Variants in SLC39A8 observed in about 807,000 individuals in gnomAD.
SLC39A8 encodes the protein solute carrier family 39 member 8.
Under a neutral mutation model 40.4 loss-of-function variants are expected in SLC39A8, and 15 were observed. That is an observed-to-expected ratio of 0.37 (90% CI 0.25 to 0.57). The LOEUF is 0.57. Among genes scored for constraint, SLC39A8 ranks in the 20% least tolerant of loss-of-function variants. SLC39A8 has a pLI of 0.75. For missense variants in SLC39A8, 472 were observed against 558.8 expected, an observed-to-expected ratio of 0.84 and a Z score of 1.57; for synonymous variants, 223 against 221.6, an observed-to-expected ratio of 1.01 and a Z score of -0.06.
At chr4:102,266,397 G>A (rs1732097129) in intron 8 of SLC39A8, among the ~76,000 whole-genome samples, 2 of 152,138 alleles carry the variant, frequency 1.3e-5, no homozygotes, top group African/African-American at 4.8e-5. Context: ...AGGGTCTGCA[G>A]AGAACAACGA....
intron 2 of SLC39A8, among the ~76,000 whole-genome samples, chr4:102,325,087 A>ATATATATG (rs1486249363): frequency 5.4e-5 from 8 of 148,654 alleles, no homozygotes; most frequent in African/African-American, 2.0e-4. Context: ...ATATATACAT[A>ATATATATG]TATATATGTA....
At chr4:102,296,704 A>G (rs1486009566) in intron 6 of SLC39A8, among the ~76,000 whole-genome samples, 3 of 152,114 alleles carry the variant, frequency 2.0e-5, no homozygotes, top group Non-Finnish European at 2.9e-5. Flanking sequence ...CTTCTCTTCC[A>G]CATCCAACTG....
At chr4:102,322,417 G>A (rs1735003722) in intron 2 of SLC39A8, among the ~76,000 whole-genome samples, 1 of 152,098 alleles carries the variant, frequency 6.6e-6, no homozygotes, top group Admixed American at 6.6e-5. Flanking sequence ...AGTACTGATG[G>A]ATACATAAAG....
intron 6 of SLC39A8, among the ~76,000 whole-genome samples, 167 bp from the exon 7 acceptor site, chr4:102,268,246 G>A (rs1732195195): frequency 6.6e-6 from 1 of 152,158 alleles, no homozygotes; most frequent in African/African-American, 2.4e-5. Context: ...GAAAACTTAT[G>A]GTTGAGAGAA....
At chr4:102,318,579 GC>G (rs1376605754) in intron 2 of SLC39A8, among the ~76,000 whole-genome samples, 1 of 152,110 alleles carries the variant, frequency 6.6e-6, no homozygotes, top group Non-Finnish European at 1.5e-5. Context: ...AAAGGGTGGT[GC>G]CTCCCAGAGT....
chr4:102,334,415 A>G (rs1356241914), intron 2 of SLC39A8, among the ~76,000 whole-genome samples: 1 of 152,212 alleles, frequency 6.6e-6, no homozygotes, highest in Non-Finnish European at 1.5e-5. Context: ...CGAGTATCAA[A>G]TGTTAATTGT....
intron 2 of SLC39A8, among the ~76,000 whole-genome samples, chr4:102,318,480 G>C (rs905755265): frequency 6.6e-6 from 1 of 152,154 alleles, no homozygotes; most frequent in South Asian, 2.1e-4. Flanking sequence ...TTGGACAGTG[G>C]CCTATTTCTG....
Position 102,305,016 on chromosome 4 carries a change from T to C in SLC39A8, c.648A>G (p.Leu216=), listed in dbSNP as rs1734106946. Residue 216 remains leucine (L), a synonymous_variant, in exon 5 of 9, where the codon CTA becomes CTG. Coordinates refer to ENST00000356736, the MANE Select transcript of SLC39A8 (RefSeq NM_001135146.2). The part of the protein sequence containing the change: ...FYLLFFFERM[L]KMLLKTYGQN... Reference sequence around the variant, plus strand: ...GACCATATGTCTTTAATAACATCTTTAGCATTCTTTCAAAAAAGAAAAGTA... The same window carrying C: ...GACCATATGTCTTTAATAACATCTTCAGCATTCTTTCAAAAAAGAAAAGTA... 6.2e-7 allele frequency: 1 copy of C among 1,607,052 alleles called. No individual in the cohort carries two copies. Among genetic ancestry groups the C allele is most frequent in the Non-Finnish European group, 8.5e-7 (1 of 1,174,844 alleles).
At chr4:102,315,628 A>T (rs1055569734) in intron 3 of SLC39A8, 40 bp downstream of exon 3, 8 of 1,559,414 alleles carry the variant, frequency 5.1e-6, no homozygotes, top group Non-Finnish European at 6.1e-6. Context: ...AATGGTTCAT[A>T]GACTTTTCAA....
At chr4:102,329,952 G>A (rs138190720) in intron 2 of SLC39A8, among the ~76,000 whole-genome samples, 14 of 152,214 alleles carry the variant, frequency 9.2e-5, no homozygotes, top group East Asian at 1.9e-4. Flanking sequence ...CGAAATTAAC[G>A]CAGAAATAAG....
In SLC39A8 at chr4:102,328,748, G is replaced by A. The variant is rs564129820; in HGVS notation, c.220-12918C>T. Reference sequence around the variant, plus strand: ...TAAGGCATATATAACTGCAGGGGCCGGGCACGGTGGCTCACGCCTGTAATC... The same window carrying A: ...TAAGGCATATATAACTGCAGGGGCCAGGCACGGTGGCTCACGCCTGTAATC... On this transcript the variant is annotated intron_variant, in intron 2 of 8. Coordinates refer to ENST00000356736, the MANE Select transcript of SLC39A8 (RefSeq NM_001135146.2). 9.1e-4 allele frequency among the ~76,000 whole-genome samples: 139 copies of A among 152,232 alleles called. 1 individual carries two copies. The highest frequency in any genetic ancestry group is 3.2e-3 in the African/African-American group (133 of 41,550).
At chr4:102,289,152 T>C (rs1160129375) in intron 6 of SLC39A8, among the ~76,000 whole-genome samples, 1 of 152,186 alleles carries the variant, frequency 6.6e-6, no homozygotes, top group Non-Finnish European at 1.5e-5. Flanking sequence ...ATTCCAAAAC[T>C]TCTAGGGCCC....
intron 6 of SLC39A8, among the ~76,000 whole-genome samples, chr4:102,281,047 T>C (rs1732847246): frequency 6.6e-6 from 1 of 152,180 alleles, no homozygotes; most frequent in Non-Finnish European, 1.5e-5. Context: ...TATACCACTC[T>C]AAAAGGCTGC....
exon 12 of SLC39A8, chr4:102,253,106 A>T (rs1302219055): frequency 3.8e-6 from 1 of 261,860 alleles, no homozygotes; most frequent in East Asian, 6.7e-5. Context: ...TCTATTTCCA[A>T]ATAAGGTCAC....
intron 2 of SLC39A8, among the ~76,000 whole-genome samples, chr4:102,333,410 A>T (rs925471314): frequency 6.6e-6 from 1 of 152,198 alleles, no homozygotes; most frequent in Non-Finnish European, 1.5e-5. Flanking sequence ...AGGATGTTGG[A>T]GCTTCAAGAG....
downstream of SLC39A8, chr4:102,259,528 A>G: frequency 1.3e-6 from 2 of 1,528,778 alleles, no homozygotes; most frequent in Non-Finnish European, 1.8e-6. Context: ...CAAGAATCAG[A>G]TAACAAACTG....
At chr4:102,335,886 G>T (rs1296913086) in intron 2 of SLC39A8, among the ~76,000 whole-genome samples, 1 of 152,058 alleles carries the variant, frequency 6.6e-6, no homozygotes, top group Non-Finnish European at 1.5e-5. Flanking sequence ...ATTAATTCTT[G>T]CTGTCTTTTC....
rs753063924 is a variant in SLC39A8 at position 102,307,556 on chromosome 4, G to A, written c.432C>T (p.Leu144=). The A allele has an allele frequency of 3.1e-6, 5 of 1,613,444 alleles. No individual in the cohort carries two copies. The highest frequency in any genetic ancestry group is 1.3e-5 in the African/African-American group (1 of 74,974). ...LSVTIINLAS[L]LGLILTPLIK... ...TCAGTGGAGTCAAAATCAATCCGAG[G>A]AGAGATGCCAGATTAATAATCGTCA... Residue 144 remains leucine (L), a synonymous_variant, in exon 4 of 9, where the codon CTC becomes CTT. Coordinates refer to ENST00000356736, the MANE Select transcript of SLC39A8 (RefSeq NM_001135146.2).
chr4:102,281,196 T>G (rs1030893062), intron 6 of SLC39A8, among the ~76,000 whole-genome samples: 4 of 152,160 alleles, frequency 2.6e-5, no homozygotes, highest in Non-Finnish European at 4.4e-5. Context: ...TTAAAGGGAT[T>G]CAGGAGGCAC....
Sources: allele counts gnomAD v4.1 joint callset (sites outside exome capture counted in the v4.1 genomes callset), GRCh38; gene constraint gnomAD v4.1.1; transcripts MANE v1.5; gene names NCBI Gene and HGNC (gene_info 2026-07-23, HGNC 2026-07-21).